The following DLGAP1 variants were observed in gnomAD, a reference collection of about 807,000 sequenced individuals.
DLGAP1 encodes the protein disks large-associated protein 1.
DLGAP1 carries 11 observed loss-of-function variants against 90.8 expected under a neutral mutation model. The ratio of observed to expected loss-of-function variants is 0.12; its 90% CI spans 0.08 to 0.20. The LOEUF is 0.20. DLGAP1 is among the 10% of genes least tolerant of loss of function. The pLI is 1.00. For synonymous variants in DLGAP1, 558 were observed against 540.7 expected (o/e 1.03, Z -0.44); for missense variants, 1,050 against 1,333.8 (o/e 0.79, Z 3.31).
chr18:3,676,692 GTT>G (rs55879211), intron 7 of DLGAP1, among the ~76,000 whole-genome samples: 62 of 147,016 alleles, frequency 4.2e-4, no homozygotes, highest in African/African-American at 1.2e-3. Context: ...TACTTCTCCT[GTT>G]TTTTTTTTTT....
intron 7 of DLGAP1, among the ~76,000 whole-genome samples, chr18:3,642,997 T>G (rs1330137707): frequency 6.6e-6 from 1 of 152,240 alleles, no homozygotes; most frequent in Non-Finnish European, 1.5e-5. Flanking sequence ...CTCAAGTTAT[T>G]CATTGTGGCA....
In DLGAP1 at chr18:4,257,621, TTTTCC is replaced by T. The variant is rs1465060979; in HGVS notation, c.-266-106339_-266-106335del. Among the ~76,000 whole-genome samples, 17 of 152,002 alleles carry T rather than the reference TTTTCC, an allele frequency of 1.1e-4. No individual in the cohort carries two copies. In the East Asian group the frequency reaches 2.1e-3, roughly 19 times the overall value. Reference sequence around the variant, plus strand: ...TAACAAATTCATTTTTTTCTTTTTCTTTTCCTTTCTTTTTTTTTTTTGAGATGGAG... The same window carrying T: ...TAACAAATTCATTTTTTTCTTTTTCTTTTCTTTTTTTTTTTTGAGATGGAG... On this transcript the variant is annotated intron_variant, in intron 1 of 12. Transcript: ENST00000315677.
intron 1 of DLGAP1, among the ~76,000 whole-genome samples, chr18:4,233,782 G>A (rs1313765176): frequency 6.6e-6 from 1 of 152,064 alleles, no homozygotes; most frequent in Non-Finnish European, 1.5e-5. Flanking sequence ...GAGATAGAAA[G>A]CTGTATAGGA....
intron 4 of DLGAP1, among the ~76,000 whole-genome samples, chr18:3,840,525 C>G (rs1043583514): frequency 2.5e-4 from 38 of 152,152 alleles, no homozygotes; most frequent in African/African-American, 9.2e-4. Flanking sequence ...ACATTTAGAG[C>G]CCACCCAGAT....
chr18:4,172,314 T>A (rs2077039050), intron 1 of DLGAP1, among the ~76,000 whole-genome samples: 1 of 152,220 alleles, frequency 6.6e-6, no homozygotes, highest in East Asian at 1.9e-4. Context: ...TGAAATAATT[T>A]TTCTGTTCAA....
intron 3 of DLGAP1, among the ~76,000 whole-genome samples, chr18:3,976,437 A>G (rs957815149): frequency 6.6e-6 from 1 of 151,908 alleles, no homozygotes; most frequent in Non-Finnish European, 1.5e-5. Flanking sequence ...AATATAGAGA[A>G]TAGAAAAAAT....
At chr18:4,436,307 CCTAAAAGCCAGTGGTTCTGAAA>C (rs2083397355) in intron 1 of DLGAP1, among the ~76,000 whole-genome samples, 1 of 151,954 alleles carries the variant, frequency 6.6e-6, no homozygotes, top group Admixed American at 6.6e-5. Context: ...GAGACAGGAA[CCTAAAAGCCAGTGGTTCTGAAA>C]CTTTAGTGCA....
intron 7 of DLGAP1, among the ~76,000 whole-genome samples, chr18:3,671,037 G>C (rs1250925732): frequency 2.6e-5 from 4 of 152,158 alleles, no homozygotes; most frequent in South Asian, 2.1e-4. Flanking sequence ...ATTACTTCTA[G>C]TTTTGTCTTG....
intron 2 of DLGAP1, among the ~76,000 whole-genome samples, chr18:4,078,624 C>T (rs986128750): frequency 6.6e-6 from 1 of 152,166 alleles, no homozygotes; most frequent in Non-Finnish European, 1.5e-5. Flanking sequence ...TCCATAAACT[C>T]ATATATCAGT....
At chr18:4,362,975 T>G (rs1463944623) in intron 1 of DLGAP1, among the ~76,000 whole-genome samples, 2 of 152,076 alleles carry the variant, frequency 1.3e-5, no homozygotes, top group Non-Finnish European at 2.9e-5. Flanking sequence ...CCCAATCCCC[T>G]TGGCATTACT....
chr18:4,437,434 A>G (rs1168656384), intron 1 of DLGAP1, among the ~76,000 whole-genome samples: 2 of 152,240 alleles, frequency 1.3e-5, no homozygotes, highest in Non-Finnish European at 2.9e-5. Context: ...AGTCTCTGGT[A>G]TAAAATGGTA....
chr18:3,594,332 A>G (rs1474758540), intron 7 of DLGAP1: 1 of 108,950 alleles, frequency 9.2e-6, no homozygotes, highest in Non-Finnish European at 1.9e-5. Context: ...CTCCCCCACC[A>G]CTCCCACACC....
chr18:3,593,982 G>A lies in DLGAP1; in HGVS notation c.1592-11734C>T, dbSNP rs375813226. On this transcript the variant is annotated intron_variant, in intron 7 of 12. Coordinates refer to ENST00000315677, the MANE Select transcript of DLGAP1 (RefSeq NM_004746.4). ...CATGTACTGTACAAAAATCCAGGCAGGGAGGGGTCAGAGAGTTCGTCATTA... is the reference window on the plus strand; with the variant it reads ...CATGTACTGTACAAAAATCCAGGCAAGGAGGGGTCAGAGAGTTCGTCATTA... 5.3e-5 allele frequency: 8 copies of A among 150,556 alleles called. No homozygotes were observed. In the East Asian group the frequency reaches 5.8e-4, roughly 11 times the overall value. The allele number at this position is 150,556 out of a possible 1,614,324, so 9.3% of individuals were successfully genotyped here. A position where few individuals can be genotyped will look rare whatever the true frequency, so the allele number is the denominator to read the frequency against.
At position 4,129,479 on chromosome 18, in the gene DLGAP1, C is replaced by T. The variant is rs150138770; in HGVS notation, c.-159+21701G>A. The stretch of plus-strand genomic sequence containing the variant: ...CATCATGAAGGAGAGGGTGGGAAAT[C>T]GTGGTGCGTCATAGAATGAAACTTG... On this transcript the variant is annotated intron_variant, in intron 2 of 12. Transcript: ENST00000315677. Among the ~76,000 whole-genome samples the T allele has an allele frequency of 1.1e-3, 160 of 152,200 alleles. 1 individual carries two copies. The highest frequency in any genetic ancestry group is 3.3e-3 in the African/African-American group (138 of 41,546).
intron 5 of DLGAP1, among the ~76,000 whole-genome samples, chr18:3,768,833 T>C (rs117867856): frequency 0.019 from 2,921 of 152,188 alleles, 52 homozygotes; most frequent in Middle Eastern, 0.082. Flanking sequence ...AGAAAAAACA[T>C]TGAAGAAAAG....
At chr18:3,756,479 C>T (rs1032846131) in intron 5 of DLGAP1, among the ~76,000 whole-genome samples, 7 of 151,946 alleles carry the variant, frequency 4.6e-5, no homozygotes, top group African/African-American at 1.7e-4. Context: ...ACAGTAGTTA[C>T]AGGAAAATTA....
intron 2 of DLGAP1, among the ~76,000 whole-genome samples, chr18:4,139,263 T>C (rs75565165): frequency 0.031 from 4,714 of 152,090 alleles, 107 homozygotes; most frequent in Middle Eastern, 0.068. Context: ...TTTATAGCTA[T>C]AAACTTTCCT....
At chr18:3,537,271 C>G (rs80240164) in intron 9 of DLGAP1, among the ~76,000 whole-genome samples, 2 of 152,148 alleles carry the variant, frequency 1.3e-5, no homozygotes, top group South Asian at 4.1e-4. Context: ...TCCTCCTCCC[C>G]CTGGCCCCAG....
At chr18:3,520,300 T>C (rs1402713566) in intron 10 of DLGAP1, among the ~76,000 whole-genome samples, 1 of 152,198 alleles carries the variant, frequency 6.6e-6, no homozygotes, top group Admixed American at 6.5e-5. Context: ...GCCAGTGCCT[T>C]ACCTGAGATG....
Sources: gnomAD v4.1 joint callset for allele counts (sites outside exome capture counted in the v4.1 genomes callset) on GRCh38, gnomAD v4.1.1 for gene constraint, MANE v1.5 for transcripts, NCBI Gene and HGNC (gene_info 2026-07-23, HGNC 2026-07-21) for gene names.